RSF1: variants seen among roughly 807,000 people sequenced by gnomAD.
The protein encoded by RSF1 is remodeling and spacing factor 1.
A neutral mutation model predicts 145.2 loss-of-function variants in RSF1; 13 were observed. The ratio of observed to expected loss-of-function variants is 0.09; its 90% CI spans 0.06 to 0.14. The LOEUF (loss-of-function observed/expected upper bound fraction) is 0.14. RSF1 is among the 10% of genes least tolerant of loss of function. RSF1 has a pLI of 1.00. For synonymous variants in RSF1, 577 were observed against 592.6 expected (o/e 0.97, Z 0.38); for missense variants, 1,517 against 1,718.2 (o/e 0.88, Z 2.07).
intron 2 of RSF1, among the ~76,000 whole-genome samples, chr11:77,754,245 A>G (rs1018004333): frequency 1.3e-5 from 2 of 152,196 alleles, no homozygotes; most frequent in African/African-American, 4.8e-5. Context: ...AAAAAGAGTA[A>G]TGTGATACAG....
intron 4 of RSF1, among the ~76,000 whole-genome samples, chr11:77,735,282 G>A (rs561326626): frequency 3.3e-5 from 5 of 152,268 alleles, no homozygotes; most frequent in Admixed American, 6.5e-5. Flanking sequence ...AAGTTGCTAC[G>A]TAACAGTACA....
In RSF1 at chr11:77,747,781, G is replaced by A. The variant is rs757774922; in HGVS notation, c.280-653C>T. On this transcript the variant is annotated intron_variant, in intron 2 of 15. Transcript: ENST00000308488. ...ATTTCAGCAGCATCACCCTAAACTAGAGGTCAGAGGAAGCCAGTAAGGGAG... is the reference window on the plus strand; with the variant it reads ...ATTTCAGCAGCATCACCCTAAACTAAAGGTCAGAGGAAGCCAGTAAGGGAG... Among the ~76,000 whole-genome samples the A allele has an allele frequency of 1.7e-4, 26 of 152,150 alleles. 1 individual carries two copies. The highest frequency in any genetic ancestry group is 2.9e-5 in the Non-Finnish European group (2 of 68,032).
At chr11:77,694,680 A>G (rs183289456) in intron 7 of RSF1, among the ~76,000 whole-genome samples, 81 of 152,334 alleles carry the variant, frequency 5.3e-4, no homozygotes, top group Non-Finnish European at 2.8e-4. Context: ...ATTAACATCA[A>G]TACTATGAAC....
intron 1 of RSF1, among the ~76,000 whole-genome samples, chr11:77,780,218 C>A (rs1948389029): frequency 6.6e-6 from 1 of 152,232 alleles, no homozygotes; most frequent in East Asian, 1.9e-4. Context: ...TTTAAAAAAA[C>A]CAAGTAACTT....
the RSF1 span, among the ~76,000 whole-genome samples, chr11:77,832,588 A>C: frequency 6.6e-6 from 1 of 151,946 alleles, no homozygotes; most frequent in African/African-American, 2.4e-5. Flanking sequence ...AGCCTCCCAA[A>C]GTACTGGGAT....
chr11:77,801,617 G>A (rs577589753), intron 1 of RSF1, among the ~76,000 whole-genome samples: 17 of 152,102 alleles, frequency 1.1e-4, no homozygotes, highest in Admixed American at 3.9e-4. Flanking sequence ...GGGGTAACAT[G>A]CGTGTCTACA....
chr11:77,759,598 C>T (rs183519104), intron 2 of RSF1, among the ~76,000 whole-genome samples: 11 of 152,284 alleles, frequency 7.2e-5, no homozygotes, highest in African/African-American at 2.6e-4. Context: ...GCAGGAGAAT[C>T]GCTTAAATCC....
chr11:77,796,324 A>G (rs182112981), intron 1 of RSF1, among the ~76,000 whole-genome samples: 1 of 152,282 alleles, frequency 6.6e-6, no homozygotes, highest in East Asian at 1.9e-4. Context: ...GATCAAGTCA[A>G]CTTCATCCCT....
In RSF1 at chr11:77,663,014, CGT is replaced by C. The variant is rs1323275940; in HGVS notation, c.*3901_*3902del. On this transcript the variant is annotated 3_prime_UTR_variant, in exon 16 of 16. Coordinates refer to ENST00000308488, the MANE Select transcript of RSF1 (RefSeq NM_016578.4). Reference sequence around the variant, plus strand: ...TTCTGATACTTATCTGAAGTGTGTGCGTGTGCACACACACACACACATATACA... The same window carrying C: ...TTCTGATACTTATCTGAAGTGTGTGCGTGCACACACACACACACATATACA... The C allele has an allele frequency of 7.4e-6, 1 of 135,398 alleles. No homozygotes were observed. The highest frequency in any genetic ancestry group is 7.2e-5 in the Admixed American group (1 of 13,908). 8.4% of individuals were successfully genotyped at this position (135,398 alleles called of 1,614,324 possible). A position where few individuals can be genotyped will look rare whatever the true frequency, so the allele number is the denominator to read the frequency against.
chr11:77,701,354 T>C lies in RSF1; in HGVS notation c.1875A>G (p.Ala625=). Reference sequence around the variant, plus strand: ...TATTAGATGGTGGAGAAGTTTCAGCTGCCTCAGGAGAGCCAGGCTTTTCTG... The same window carrying C: ...TATTAGATGGTGGAGAAGTTTCAGCCGCCTCAGGAGAGCCAGGCTTTTCTG... ...LESEKPGSPE[A]AETSPPSNII... is the part of the protein sequence containing the mutation. Residue 625 remains alanine (A), a synonymous_variant, in exon 6 of 16, where the codon GCA becomes GCG. Coordinates refer to ENST00000308488, the MANE Select transcript of RSF1 (RefSeq NM_016578.4). 1 of 1,614,106 alleles carries C rather than the reference T, an allele frequency of 6.2e-7. No individual in the cohort carries two copies. The highest frequency in any genetic ancestry group is 1.6e-4 in the Middle Eastern group (1 of 6,062).
At chr11:77,717,189 A>C (rs963018028) in intron 5 of RSF1, among the ~76,000 whole-genome samples, 11 of 151,902 alleles carry the variant, frequency 7.2e-5, no homozygotes, top group Non-Finnish European at 1.5e-4. Context: ...ACCAAAAAAA[A>C]AAAAAAACAC....
Position 77,666,916 on chromosome 11 carries a change from C to T in RSF1, c.*1G>A, listed in dbSNP as rs772802424. On this transcript the variant is annotated 3_prime_UTR_variant, in exon 16 of 16. Coordinates refer to ENST00000308488, the MANE Select transcript of RSF1 (RefSeq NM_016578.4). Reference sequence around the variant, plus strand: ...ATTAGCACAAAAATGGAAAAAAAGTCTTATAACTGTTCACTGTTACAGACA... The same window carrying T: ...ATTAGCACAAAAATGGAAAAAAAGTTTTATAACTGTTCACTGTTACAGACA... 3.9e-6 allele frequency: 6 copies of T among 1,534,474 alleles called. No individual in the cohort carries two copies. The East Asian group carries it at 1.1e-4, about 29-fold the overall frequency.
upstream of RSF1, chr11:77,821,004 G>A (rs1024504704): frequency 6.1e-6 from 3 of 491,270 alleles, no homozygotes; most frequent in African/African-American, 6.0e-5. Context: ...GTGTGACAGG[G>A]GGAATGAAAA....
At chr11:77,679,259 G>C (rs972704989) in intron 11 of RSF1, among the ~76,000 whole-genome samples, 1 of 152,200 alleles carries the variant, frequency 6.6e-6, no homozygotes, top group Non-Finnish European at 1.5e-5. Context: ...AGGTCACGTT[G>C]TACAAAAACT....
intron 6 of RSF1, 81 bp downstream of exon 6, chr11:77,700,640 T>C (rs916091531): frequency 4.0e-6 from 4 of 1,003,444 alleles, no homozygotes; most frequent in African/African-American, 3.3e-5. Context: ...TTGTCTTTGA[T>C]GACTAAGTTT....
intron 1 of RSF1, among the ~76,000 whole-genome samples, chr11:77,788,560 TAC>T (rs1196627384): frequency 1.4e-5 from 2 of 143,560 alleles, no homozygotes; most frequent in African/African-American, 5.1e-5. Flanking sequence ...AACAAAATGA[TAC>T]AGAGGAAAAA....
intron 1 of RSF1, among the ~76,000 whole-genome samples, chr11:77,808,243 A>G (rs1354528836): frequency 6.6e-6 from 1 of 152,028 alleles, no homozygotes; most frequent in East Asian, 1.9e-4. Flanking sequence ...CTGAGGCAGG[A>G]GAATCACTTG....
chr11:77,842,810 T>C, the RSF1 span, among the ~76,000 whole-genome samples: 1 of 152,236 alleles, frequency 6.6e-6, no homozygotes, highest in African/African-American at 2.4e-5. Flanking sequence ...TCAATGCCCC[T>C]GTAGTGACAT....
intron 1 of RSF1, among the ~76,000 whole-genome samples, chr11:77,787,628 A>T (rs1948470139): frequency 1.3e-5 from 2 of 152,242 alleles, no homozygotes; most frequent in African/African-American, 4.8e-5. Context: ...AAACTAGACT[A>T]AACGCATATC....
Sources: gnomAD v4.1 joint callset for allele counts (sites outside exome capture counted in the v4.1 genomes callset) on GRCh38, gnomAD v4.1.1 for gene constraint, MANE v1.5 for transcripts, NCBI Gene and HGNC (gene_info 2026-07-23, HGNC 2026-07-21) for gene names.